Variants in BARX2 observed in about 807,000 individuals in gnomAD.
BARX2 encodes BARX homeobox 2, also known as homeobox protein BarH-like 2.
In BARX2, 11 loss-of-function variants were observed where a neutral mutation model predicts 25.5. The observed-to-expected ratio is 0.43, with a 90% CI of 0.27 to 0.71. The LOEUF (loss-of-function observed/expected upper bound fraction) is 0.71, where lower values mean the gene tolerates loss of function less well. BARX2 is among the 30% of genes least tolerant of loss of function. The pLI is 0.19. For synonymous variants in BARX2, 137 were observed against 149.5 expected, an observed-to-expected ratio of 0.92 and a Z score of 0.61; for missense variants, 360 against 359.9, an observed-to-expected ratio of 1.00 and a Z score of 0.00.
rs151215960 is a variant in BARX2 at position 129,403,374 on chromosome 11, G to T, written c.187+27152G>T. 6.1e-3 allele frequency among the ~76,000 whole-genome samples: 933 copies of T among 152,302 alleles called. 37 individuals carry two copies. The highest frequency in any genetic ancestry group is 0.054 in the Admixed American group (828 of 15,302). On this transcript the variant is annotated intron_variant, in intron 1 of 3. Transcript: ENST00000281437. ...GCTTGTGTGAAATCTAGATGTCTCT[G>T]CATGTTATTCCTAGTTCCTCCAGGA... is the stretch of plus-strand genomic sequence containing the variant.
chr11:129,375,541 C>G (rs780533626), upstream of BARX2, among the ~76,000 whole-genome samples: 16 of 152,180 alleles, frequency 1.1e-4, no homozygotes, highest in Admixed American at 5.2e-4. This position sits in a 1 kb window ranked among gnomAD's most constrained non-coding sequence, Gnocchi z 4.0. Flanking sequence ...GGTGCGCGCT[C>G]CCCGCACCGC....
At chr11:129,392,476 T>C (rs1861675524) in intron 1 of BARX2, among the ~76,000 whole-genome samples, 1 of 152,218 alleles carries the variant, frequency 6.6e-6, no homozygotes, top group African/African-American at 2.4e-5. Context: ...TGACACCTGA[T>C]TTTCTTACTC....
intron 3 of BARX2, among the ~76,000 whole-genome samples, chr11:129,446,586 C>A (rs1270373685): frequency 6.6e-6 from 1 of 152,196 alleles, no homozygotes; most frequent in Non-Finnish European, 1.5e-5. Context: ...TACCTAGCCA[C>A]AAAATCCATG....
intron 3 of BARX2, among the ~76,000 whole-genome samples, chr11:129,445,606 C>T (rs1156830609): frequency 6.6e-6 from 1 of 152,224 alleles, no homozygotes; most frequent in East Asian, 1.9e-4. Flanking sequence ...GAGGCCCAAG[C>T]TGTCAGTTCA....
rs1861504949 is a variant in BARX2 at position 129,376,409 on chromosome 11, A to G, written c.187+187A>G. Among the ~76,000 whole-genome samples the G allele has an allele frequency of 6.6e-6, 1 of 152,210 alleles. No individual in the cohort carries two copies. Among genetic ancestry groups the G allele is most frequent in the Non-Finnish European group, 1.5e-5 (1 of 68,044 alleles). On this transcript the variant is annotated intron_variant, in intron 1 of 3. Coordinates refer to ENST00000281437, the MANE Select transcript of BARX2 (RefSeq NM_003658.5). This position sits in a 1 kb window ranked among gnomAD's most constrained non-coding sequence, Gnocchi z 4.2. Reference sequence around the variant, plus strand: ...CCGGGAAGGACCACGCAAGGTGTGGATGGCACGAGTGGAAATAAAGGCGGC... The same window carrying G: ...CCGGGAAGGACCACGCAAGGTGTGGGTGGCACGAGTGGAAATAAAGGCGGC...
At chr11:129,391,224 G>A (rs1161405728) in intron 1 of BARX2, among the ~76,000 whole-genome samples, 1 of 152,144 alleles carries the variant, frequency 6.6e-6, no homozygotes, top group Non-Finnish European at 1.5e-5. Flanking sequence ...AGCTAAGGAT[G>A]GTTTTCACAT....
chr11:129,451,409 A>G lies in BARX2; in HGVS notation c.*7A>G. ...ACCCCCACCATTAAGCTAAAGTAAAACCCTTTTGAGGGAAGAGGGAGACTG... is the reference window on the plus strand; with the variant it reads ...ACCCCCACCATTAAGCTAAAGTAAAGCCCTTTTGAGGGAAGAGGGAGACTG... On this transcript the variant is annotated 3_prime_UTR_variant, in exon 4 of 4. Coordinates refer to ENST00000281437, the MANE Select transcript of BARX2 (RefSeq NM_003658.5). 6.2e-7 allele frequency: 1 copy of G among 1,608,830 alleles called. No individual in the cohort carries two copies. Among genetic ancestry groups the G allele is most frequent in the East Asian group, 2.2e-5 (1 of 44,732 alleles).
chr11:129,378,216 A>G (rs1005474137), intron 1 of BARX2, among the ~76,000 whole-genome samples: 5 of 152,076 alleles, frequency 3.3e-5, no homozygotes, highest in Non-Finnish European at 7.4e-5. Context: ...ATGTGTCGTT[A>G]TTTTGCTCTA....
intron 1 of BARX2, among the ~76,000 whole-genome samples, chr11:129,435,030 G>A (rs1325048429): frequency 1.3e-5 from 2 of 152,168 alleles, no homozygotes; most frequent in Non-Finnish European, 2.9e-5. Context: ...AGTCTCTTTT[G>A]AAAGAAGTGA....
intron 1 of BARX2, among the ~76,000 whole-genome samples, chr11:129,420,299 A>G (rs374188715): frequency 6.6e-6 from 1 of 152,200 alleles, no homozygotes; most frequent in Non-Finnish European, 1.5e-5. Flanking sequence ...TCTCCCAAAA[A>G]TAGACCACAT....
At chr11:129,418,810 T>C (rs543025368) in intron 1 of BARX2, among the ~76,000 whole-genome samples, 3 of 152,212 alleles carry the variant, frequency 2.0e-5, no homozygotes, top group African/African-American at 4.8e-5. Context: ...TATGTTGGAA[T>C]GCACATCAAC....
At chr11:129,398,035 A>G (rs891910594) in intron 1 of BARX2, among the ~76,000 whole-genome samples, 1 of 152,242 alleles carries the variant, frequency 6.6e-6, no homozygotes, top group Non-Finnish European at 1.5e-5. Flanking sequence ...TATAAGATGT[A>G]GTAGGCTATT....
intron 1 of BARX2, among the ~76,000 whole-genome samples, chr11:129,385,709 A>G (rs1861610894): frequency 6.6e-6 from 1 of 152,366 alleles, no homozygotes; most frequent in Middle Eastern, 3.4e-3. Context: ...TAATGTAAAT[A>G]TGGCTAAGTA....
At chr11:129,438,834 T>C (rs1487581769) in intron 2 of BARX2, among the ~76,000 whole-genome samples, 1 of 152,158 alleles carries the variant, frequency 6.6e-6, no homozygotes, top group Admixed American at 6.5e-5. Flanking sequence ...AGGATATTGC[T>C]GAGCGTGGGA....
At chr11:129,448,076 C>G (rs1253962600) in intron 3 of BARX2, among the ~76,000 whole-genome samples, 1 of 152,174 alleles carries the variant, frequency 6.6e-6, no homozygotes, top group Non-Finnish European at 1.5e-5. Flanking sequence ...AGTGGTTGAG[C>G]AGAGTTTTAG....
chr11:129,449,482 T>C (rs756178637), intron 3 of BARX2, among the ~76,000 whole-genome samples: 7 of 152,152 alleles, frequency 4.6e-5, no homozygotes, highest in Non-Finnish European at 8.8e-5. Context: ...CTAATCCAGG[T>C]CCTCTGGAAG....
rs753172358 is a variant in BARX2 at position 129,451,359 on chromosome 11, A to G, written c.797A>G (p.Gln266Arg). The change falls in exon 4 of 4, where the codon CAG (glutamine) becomes CGG (arginine). Residue 266 changes from glutamine to arginine, a missense_variant. Gln to Arg is a conservative substitution (Grantham distance 43, BLOSUM62 1). Transcript: ENST00000281437. ...LEMAEPPDPP[Q>R]ELPIPSSEPP... The stretch of plus-strand genomic sequence containing the variant: ...ATGGCAGAGCCACCAGACCCGCCCC[A>G]GGAGTTGCCAATACCCTCTTCGGAA... The G allele has an allele frequency of 1.4e-5, 22 of 1,614,158 alleles. 1 individual carries two copies. Among genetic ancestry groups the G allele is most frequent in the East Asian group, 6.7e-5 (3 of 44,882 alleles).
chr11:129,439,600 C>T (rs538820181), intron 2 of BARX2, among the ~76,000 whole-genome samples: 10 of 152,230 alleles, frequency 6.6e-5, no homozygotes, highest in Non-Finnish European at 1.2e-4. Context: ...TGGATAGGGA[C>T]GCCATGAACT....
At chr11:129,413,477 G>A (rs1020812670) in intron 1 of BARX2, among the ~76,000 whole-genome samples, 1 of 152,160 alleles carries the variant, frequency 6.6e-6, no homozygotes, top group Admixed American at 6.6e-5. Context: ...GTGAATTGGG[G>A]CCCAGTTCAA....
Sources: allele counts gnomAD v4.1 joint callset (sites outside exome capture counted in the v4.1 genomes callset), GRCh38; gene constraint gnomAD v4.1.1; non-coding constraint Gnocchi (gnomAD v3.1); transcripts MANE v1.5; gene names NCBI Gene and HGNC (gene_info 2026-07-23, HGNC 2026-07-21).